The following PFKP variants were observed in gnomAD, a reference collection of about 807,000 sequenced individuals.
PFKP encodes the protein phosphofructokinase, platelet, also known as ATP-dependent 6-phosphofructokinase, platelet type.
Under a neutral mutation model 94.3 loss-of-function variants are expected in PFKP, and 101 were observed. The observed-to-expected ratio is 1.07, with a 90% CI of 0.91 to 1.26. The LOEUF (loss-of-function observed/expected upper bound fraction) is 1.26, where lower values mean the gene tolerates loss of function less well. Ranked by LOEUF, PFKP falls within the 50% of genes most tolerant of loss-of-function variation. The pLI is 0.00. For missense variants in PFKP, 1,145 were observed against 1,103.3 expected (o/e 1.04, Z -0.53); for synonymous variants, 573 against 432.6 (o/e 1.32, Z -4.03).
At position 3,133,329 on chromosome 10, in the gene PFKP, G is replaced by C; in HGVS notation, c.2022+15G>C. 2 of 1,498,130 alleles carry C rather than the reference G, an allele frequency of 1.3e-6. No homozygotes were observed. The highest frequency in any genetic ancestry group is 2.3e-5 in the South Asian group (2 of 88,888). The allele number at this position is 1,498,130 out of a possible 1,614,324, so 92.8% of individuals were successfully genotyped here. ...ACATGCAGCAGGTAGGCCCGAGACTGCATGAGGGGCCACAAAGCCCCTGTC... is the reference window on the plus strand; with the variant it reads ...ACATGCAGCAGGTAGGCCCGAGACTCCATGAGGGGCCACAAAGCCCCTGTC... On this transcript the variant is annotated intron_variant, in intron 19 of 21. Coordinates refer to ENST00000381125, the MANE Select transcript of PFKP (RefSeq NM_002627.5).
chr10:3,069,413 T>A, intron 1 of PFKP: 1 of 1,572,450 alleles, frequency 6.4e-7, no homozygotes, highest in Non-Finnish European at 8.6e-7. Flanking sequence ...CGCCTTGGGG[T>A]CGGGATAGGA....
intron 1 of PFKP, among the ~76,000 whole-genome samples, chr10:3,071,427 GTTTTTTTT>G (rs569603765): frequency 0.062 from 5,712 of 92,558 alleles, 168 homozygotes; most frequent in South Asian, 0.089. Flanking sequence ...GTCTCAGGCT[GTTTTTTTT>G]TTTTTTTTTT....
At chr10:3,090,749 C>T (rs1479637173) in intron 2 of PFKP, among the ~76,000 whole-genome samples, 6 of 152,024 alleles carry the variant, frequency 3.9e-5, no homozygotes, top group Admixed American at 6.6e-5. Context: ...CCAACATCGG[C>T]GAACGTCCTA....
chr10:3,117,797 C>G lies in PFKP; in HGVS notation c.1442+951C>G, dbSNP rs140551245. 2.0e-5 allele frequency among the ~76,000 whole-genome samples: 3 copies of G among 152,168 alleles called. No individual in the cohort carries two copies. The South Asian group carries it at 6.2e-4, about 32-fold the overall frequency. ...ATAGGGCCAGGGCGTTGCTCTCGAA[C>G]GTAGAGAGGACTCGCTGGCTGTTGT... On this transcript the variant is annotated intron_variant, in intron 14 of 21. Transcript: ENST00000381125.
At position 3,118,873 on chromosome 10, in the gene PFKP, C is replaced by A. The variant is rs370960893; in HGVS notation, c.1530+4C>A. 3.1e-6 allele frequency: 5 copies of A among 1,608,638 alleles called. No individual in the cohort carries two copies. The highest frequency in any genetic ancestry group is 1.7e-5 in the Admixed American group (1 of 59,784). On this transcript the variant is annotated splice_donor_region_variant and intron_variant, in intron 15 of 21. Transcript: ENST00000381125. ...GCTGATCATCGGTGGATTCGAGGTA[C>A]GTTACCGTTTCTCTCTTGCCGGTCT...
chr10:3,075,244 G>A (rs898838001), intron 1 of PFKP, among the ~76,000 whole-genome samples: 7 of 151,840 alleles, frequency 4.6e-5, no homozygotes, highest in Admixed American at 2.0e-4. Flanking sequence ...CGTTATGAAC[G>A]TGTCACAGTG....
chr10:3,097,153 T>C lies in PFKP; in HGVS notation c.187-2122T>C, dbSNP rs1834557976. Among the ~76,000 whole-genome samples, 3 of 150,554 alleles carry C rather than the reference T, an allele frequency of 2.0e-5. No homozygotes were observed. In the South Asian group the frequency reaches 6.4e-4, roughly 32 times the overall value. ...TGAAACTGCAACCCCAAGGCTAGGT[T>C]ATCTCTTTATTTATGTATCCACCCA... On this transcript the variant is annotated intron_variant, in intron 2 of 21. Transcript: ENST00000381125.
chr10:3,072,153 C>G (rs150712830), intron 1 of PFKP, among the ~76,000 whole-genome samples: 2 of 152,236 alleles, frequency 1.3e-5, no homozygotes, highest in Non-Finnish European at 2.9e-5. Context: ...CCATGAAGTC[C>G]TTTAGAGGAA....
chr10:3,068,151 G>T (rs986191228), intron 1 of PFKP, among the ~76,000 whole-genome samples: 1 of 152,188 alleles, frequency 6.6e-6, no homozygotes, highest in Non-Finnish European at 1.5e-5. Context: ...CGTGGGTACA[G>T]CGCGATCACT....
intron 2 of PFKP, among the ~76,000 whole-genome samples, chr10:3,098,976 T>C (rs1453723999): frequency 6.6e-6 from 1 of 152,196 alleles, no homozygotes; most frequent in Non-Finnish European, 1.5e-5. Flanking sequence ...TTTCAACCTC[T>C]AGCGAAACAC....
chr10:3,082,305 G>T, intron 1 of PFKP, 83 bp from the exon 2 acceptor site: 2 of 936,664 alleles, frequency 2.1e-6, no homozygotes, highest in Non-Finnish European at 3.3e-6. Flanking sequence ...GTTAGGAAAC[G>T]GACCCATGGT....
Position 3,099,318 on chromosome 10 carries a change from C to T in PFKP, c.230C>T (p.Ala77Val), listed in dbSNP as rs780396548. ...MVDGGSNIAE[A>V]DWESVSSILQ... is the part of the protein sequence containing the mutation. ...GACGGAGGCTCAAACATCGCAGAGGCCGACTGGGAGAGTGTCTCCAGCATC... is the reference window on the plus strand; with the variant it reads ...GACGGAGGCTCAAACATCGCAGAGGTCGACTGGGAGAGTGTCTCCAGCATC... The change falls in exon 3 of 22, where the codon GCC becomes GTC. Residue 77 changes from alanine to valine, a missense_variant. This residue lies in a region of PFKP where 1,119 missense variants were observed against 1,062.8 expected (regional missense o/e 1.05). Transcript: ENST00000381125. The T allele has an allele frequency of 3.7e-6, 6 of 1,614,136 alleles. No homozygotes were observed. The South Asian group carries it at 5.5e-5, about 15-fold the overall frequency.
At chr10:3,094,690 T>G (rs943076005) in intron 2 of PFKP, among the ~76,000 whole-genome samples, 1 of 152,224 alleles carries the variant, frequency 6.6e-6, no homozygotes, top group African/African-American at 2.4e-5. Flanking sequence ...CTGCCGCCTC[T>G]CTTTCTCGCA....
chr10:3,084,430 A>G (rs995260820), intron 2 of PFKP, among the ~76,000 whole-genome samples: 1 of 150,672 alleles, frequency 6.6e-6, no homozygotes, highest in Non-Finnish European at 1.5e-5. Flanking sequence ...TGCTGGAAAG[A>G]GGTTTTTTTG....
chr10:3,107,481 C>T (rs868370289), intron 8 of PFKP, among the ~76,000 whole-genome samples, 172 bp downstream of exon 8: 8 of 152,220 alleles, frequency 5.3e-5, no homozygotes, highest in East Asian at 1.9e-4. Context: ...ACGCAGCTCC[C>T]GCTCCTGGGA....
chr10:3,128,693 G>A (rs960161026), intron 16 of PFKP, among the ~76,000 whole-genome samples: 3 of 152,242 alleles, frequency 2.0e-5, no homozygotes, highest in Middle Eastern at 3.2e-3. Flanking sequence ...CAGCCTCTGC[G>A]CCCCTCATCT....
At chr10:3,112,461 G>T (rs1432336236) in intron 11 of PFKP, among the ~76,000 whole-genome samples, 175 bp downstream of exon 11, 9 of 152,212 alleles carry the variant, frequency 5.9e-5, no homozygotes. Flanking sequence ...TGGTTAGAGA[G>T]AAATCATTTT....
chr10:3,108,616 T>C (rs1314530092), intron 8 of PFKP, 85 bp from the exon 9 acceptor site: 4 of 994,598 alleles, frequency 4.0e-6, no homozygotes, highest in African/African-American at 1.6e-5. Context: ...CGAAAAACCT[T>C]TTCCAGTGCC....
At chr10:3,119,591 C>T (rs966087670) in intron 15 of PFKP, among the ~76,000 whole-genome samples, 14 of 129,420 alleles carry the variant, frequency 1.1e-4, no homozygotes, top group Non-Finnish European at 1.8e-4. Context: ...GGCCACAAAG[C>T]GAGACTCCGT....
Sources: gnomAD v4.1 joint callset for allele counts (sites outside exome capture counted in the v4.1 genomes callset) on GRCh38, gnomAD v4.1.1 for gene constraint, gnomAD v4.1.1 regional missense constraint, MANE v1.5 for transcripts, NCBI Gene and HGNC (gene_info 2026-07-23, HGNC 2026-07-21) for gene names.